Variants in MARCHF1 observed in about 807,000 individuals in gnomAD.
MARCHF1 encodes the protein membrane associated ring-CH-type finger 1.
Under a neutral mutation model 54.2 loss-of-function variants are expected in MARCHF1, and 40 were observed. The observed-to-expected ratio is 0.74, with a 90% CI of 0.57 to 0.96. MARCHF1 has a LOEUF of 0.96. MARCHF1 is among the 40% of genes least tolerant of loss of function. The pLI is 0.00. For synonymous variants in MARCHF1, 236 were observed against 236.3 expected, an observed-to-expected ratio of 1.00 and a Z score of 0.01; for missense variants, 586 against 656.5, an observed-to-expected ratio of 0.89 and a Z score of 1.17.
chr4:164,248,257 C>G lies in MARCHF1; in HGVS notation c.-323+135613G>C, dbSNP rs1579658816. ...GGTTTCATGAGTTCTTTCTGTAACT[C>G]TGTTATTAATTTGTGACTTTGGGTA... On this transcript the variant is annotated intron_variant, in intron 1 of 9. Coordinates refer to ENST00000514618, the MANE Select transcript of MARCHF1 (RefSeq NM_001394959.1). Among the ~76,000 whole-genome samples the G allele has an allele frequency of 2.6e-5, 4 of 152,020 alleles. No individual in the cohort carries two copies. The South Asian group carries it at 8.3e-4, about 32-fold the overall frequency.
chr4:163,987,175 C>T (rs1752885609), intron 3 of MARCHF1, among the ~76,000 whole-genome samples: 1 of 152,192 alleles, frequency 6.6e-6, no homozygotes, highest in Non-Finnish European at 1.5e-5. Context: ...TCAAAGGAAA[C>T]AGACACTCTA....
At position 163,849,813 on chromosome 4, in the gene MARCHF1, G is replaced by T. The variant is rs146544247; in HGVS notation, c.111+4208C>A. Reference sequence around the variant, plus strand: ...TCAAATTATCTGTATCAGAGTGACTGGTGAGCAAAAGCAAACCTTTATCAT... The same window carrying T: ...TCAAATTATCTGTATCAGAGTGACTTGTGAGCAAAAGCAAACCTTTATCAT... On this transcript the variant is annotated intron_variant, in intron 4 of 9. Coordinates refer to ENST00000514618, the MANE Select transcript of MARCHF1 (RefSeq NM_001394959.1). 4.3e-3 allele frequency among the ~76,000 whole-genome samples: 661 copies of T among 152,070 alleles called. 3 individuals are homozygous for T. Among genetic ancestry groups the T allele is most frequent in the African/African-American group, 0.015 (627 of 41,498 alleles).
rs1275477666 is a variant in MARCHF1, at chr4:164,176,972, CTCTCTCTCTATATATATATATA to C, written c.-322-65332_-322-65311del. 8.8e-5 allele frequency among the ~76,000 whole-genome samples: 5 copies of C among 56,834 alleles called. 1 individual carries two copies. Among genetic ancestry groups the C allele is most frequent in the African/African-American group, 4.2e-4 (5 of 11,866 alleles). The allele number at this position is 56,834 out of a possible 152,430, so 37.3% of individuals were successfully genotyped here. On this transcript the variant is annotated intron_variant, in intron 1 of 9. Transcript: ENST00000514618. The stretch of plus-strand genomic sequence containing the variant: ...TCTCTCTCTCTCTCTCTCTCTCTCT[CTCTCTCTCTATATATATATATA>C]TATATATATATATATACAAATGATA...
chr4:163,839,001 A>G (rs1381125440), intron 4 of MARCHF1, among the ~76,000 whole-genome samples: 1 of 152,102 alleles, frequency 6.6e-6, no homozygotes, highest in Non-Finnish European at 1.5e-5. Flanking sequence ...TGTAAATCTT[A>G]TATCTAATAG....
intron 1 of MARCHF1, among the ~76,000 whole-genome samples, chr4:164,256,432 T>TAAAAAAAAAAAAAAAAAAA (rs11345775): frequency 8.2e-6 from 1 of 121,850 alleles, no homozygotes; most frequent in African/African-American, 3.1e-5. Flanking sequence ...ACAAGAAGCT[T>TAAAAAAAAAAAAAAAAAAA]AAAAAAAAAA....
chr4:163,699,873 A>G (rs907325914), intron 5 of MARCHF1, among the ~76,000 whole-genome samples: 1 of 152,148 alleles, frequency 6.6e-6, no homozygotes, highest in Non-Finnish European at 1.5e-5. Context: ...TTTTCAGGCA[A>G]CATAAAATCT....
chr4:164,001,611 G>T (rs528862852), intron 2 of MARCHF1, among the ~76,000 whole-genome samples: 42 of 151,994 alleles, frequency 2.8e-4, no homozygotes, highest in Middle Eastern at 6.8e-3. Context: ...AAACAAGAAG[G>T]TAATTCCTAC....
At chr4:164,292,887 A>G (rs1734317814) in intron 1 of MARCHF1, among the ~76,000 whole-genome samples, 1 of 152,166 alleles carries the variant, frequency 6.6e-6, no homozygotes, top group Non-Finnish European at 1.5e-5. Flanking sequence ...ACAGGTTGGT[A>G]TATCAACGTG....
At chr4:163,810,148 T>C (rs1008853628) in intron 4 of MARCHF1, among the ~76,000 whole-genome samples, 1 of 151,956 alleles carries the variant, frequency 6.6e-6, no homozygotes, top group Admixed American at 6.6e-5. Context: ...ATCCTTGGTG[T>C]AGATAACTGA....
At chr4:164,132,839 T>G (rs1414655383) in intron 1 of MARCHF1, among the ~76,000 whole-genome samples, 1 of 152,242 alleles carries the variant, frequency 6.6e-6, no homozygotes, top group East Asian at 1.9e-4. Context: ...GTATATTTAT[T>G]TATAAATTAT....
chr4:163,767,013 A>AT (rs1026688280), intron 4 of MARCHF1, among the ~76,000 whole-genome samples: 10 of 147,578 alleles, frequency 6.8e-5, no homozygotes, highest in African/African-American at 2.5e-4. Flanking sequence ...ATTAGGACAT[A>AT]TTTTTTTCAT....
At chr4:164,121,687 A>G (rs958386551) in intron 1 of MARCHF1, among the ~76,000 whole-genome samples, 1 of 152,070 alleles carries the variant, frequency 6.6e-6, no homozygotes, top group Non-Finnish European at 1.5e-5. Context: ...CAGTAACAAG[A>G]TCAAAACTCT....
intron 5 of MARCHF1, among the ~76,000 whole-genome samples, chr4:163,636,330 G>A (rs1378250000): frequency 1.4e-5 from 2 of 145,550 alleles, no homozygotes; most frequent in Admixed American, 7.0e-5. Flanking sequence ...TGACATGATT[G>A]TATATCTAGA....
Position 163,538,951 on chromosome 4 carries a change from C to T in MARCHF1, c.1339+6645G>A, listed in dbSNP as rs572728273. Among the ~76,000 whole-genome samples, 17 of 152,254 alleles carry T rather than the reference C, an allele frequency of 1.1e-4. No individual in the cohort carries two copies. The South Asian group carries it at 2.3e-3, about 20-fold the overall frequency. On this transcript the variant is annotated intron_variant, in intron 9 of 9. Coordinates refer to ENST00000514618, the MANE Select transcript of MARCHF1 (RefSeq NM_001394959.1). ...AGGACAATAGGAAACACAACTCATT[C>T]GGAAACTTTAAGTGTGTTTGCAGAT... is the stretch of plus-strand genomic sequence containing the variant.
rs148504167 is a variant in MARCHF1 at position 164,143,845 on chromosome 4, A to G, written c.-322-32183T>C. Reference sequence around the variant, plus strand: ...CAATATTGACTTTAAATGTCAATGGACTAAATGCTCCAATTAAAAGACACA... The same window carrying G: ...CAATATTGACTTTAAATGTCAATGGGCTAAATGCTCCAATTAAAAGACACA... On this transcript the variant is annotated intron_variant, in intron 1 of 9. Transcript: ENST00000514618. 4.6e-3 allele frequency among the ~76,000 whole-genome samples: 698 copies of G among 152,310 alleles called. 6 individuals are homozygous for G. The highest frequency in any genetic ancestry group is 0.015 in the African/African-American group (642 of 41,580).
chr4:163,971,676 C>G (rs1752549714), intron 3 of MARCHF1, among the ~76,000 whole-genome samples: 1 of 152,100 alleles, frequency 6.6e-6, no homozygotes, highest in Admixed American at 6.5e-5. Context: ...AATTAGAAAG[C>G]CAGGGAGTGG....
chr4:164,215,256 G>A (rs1300137804), intron 1 of MARCHF1, among the ~76,000 whole-genome samples: 17 of 152,054 alleles, frequency 1.1e-4, no homozygotes, highest in African/African-American at 2.4e-5. Context: ...TGGAGCATTC[G>A]CCAAACCCCG....
At chr4:163,952,272 G>A (rs549559677) in intron 3 of MARCHF1, among the ~76,000 whole-genome samples, 3 of 151,898 alleles carry the variant, frequency 2.0e-5, no homozygotes, top group East Asian at 1.9e-4. Flanking sequence ...CCTATATAAC[G>A]ATACACACTG....
In MARCHF1 at chr4:163,528,867, T is replaced by A; in HGVS notation, c.1519A>T (p.Asn507Tyr). ...CPDTAKKLEK[N>Y]FSCNVNTDIK... ...TCTGTGTTTACATTACATGAGAAGT[T>A]CTTCTCCAGTTTTTTGGCAGTGTCT... Residue 507 changes from asparagine to tyrosine, a missense_variant, in exon 10 of 10, where the codon AAC (asparagine) becomes TAC (tyrosine). Physicochemically the swap from Asn to Tyr is moderately radical, Grantham distance 143. Around this residue, in one of 3 missense-constraint regions of MARCHF1, gnomAD observed 106 missense variants for 93.8 expected, o/e 1.13. Transcript: ENST00000514618. 4 of 1,613,330 alleles carry A rather than the reference T, an allele frequency of 2.5e-6. No homozygotes were observed. Among genetic ancestry groups the A allele is most frequent in the South Asian group, 2.2e-5 (2 of 91,068 alleles).
Sources: gnomAD v4.1 joint callset for allele counts (sites outside exome capture counted in the v4.1 genomes callset) on GRCh38, gnomAD v4.1.1 for gene constraint, gnomAD v4.1.1 regional missense constraint, MANE v1.5 for transcripts, NCBI Gene and HGNC (gene_info 2026-07-23, HGNC 2026-07-21) for gene names.